The following LRP1B variants were observed in gnomAD, a reference collection of about 807,000 sequenced individuals.
The protein encoded by LRP1B is LDL receptor related protein 1B.
LRP1B carries 217 observed loss-of-function variants against 556.6 expected under a neutral mutation model. That is an observed-to-expected ratio of 0.39 (90% confidence interval 0.35 to 0.44). LRP1B has a LOEUF of 0.44. LRP1B is among the 20% of genes least tolerant of loss of function. The pLI, the probability that LRP1B is intolerant of heterozygous loss-of-function variation, is 1.00. For missense variants in LRP1B, 5,053 were observed against 5,620.8 expected, an observed-to-expected ratio of 0.90 and a Z score of 3.23; for synonymous variants, 2,047 against 1,865.8, an observed-to-expected ratio of 1.10 and a Z score of -2.50.
chr2:142,098,812 A>T (rs1706469936), intron 1 of LRP1B, among the ~76,000 whole-genome samples: 1 of 151,852 alleles, frequency 6.6e-6, no homozygotes, highest in Admixed American at 6.6e-5. Flanking sequence ...GAGAAATCTC[A>T]ATGGACTAAG....
At chr2:141,049,301 G>T in intron 10 of LRP1B, 79 bp from the exon 11 acceptor site, 2 of 881,158 alleles carry the variant, frequency 2.3e-6, no homozygotes, top group Non-Finnish European at 1.8e-6. Flanking sequence ...CCGTTTAACT[G>T]GCACAATTAG....
intron 41 of LRP1B, among the ~76,000 whole-genome samples, chr2:140,699,345 T>C (rs1686547666): frequency 6.6e-6 from 1 of 152,038 alleles, no homozygotes; most frequent in Non-Finnish European, 1.5e-5. Context: ...ATTCCACTTT[T>C]ATAATTAAAA....
At chr2:141,310,206 T>C (rs1441738255) in intron 3 of LRP1B, among the ~76,000 whole-genome samples, 1 of 152,170 alleles carries the variant, frequency 6.6e-6, no homozygotes, top group Non-Finnish European at 1.5e-5. Flanking sequence ...AACCCAAGCA[T>C]TTCACTCTAT....
intron 27 of LRP1B, among the ~76,000 whole-genome samples, chr2:140,864,658 A>C (rs1692895711): frequency 6.6e-6 from 1 of 152,058 alleles, no homozygotes; most frequent in Non-Finnish European, 1.5e-5. Context: ...TATTGTTGCT[A>C]TTATTTTTTA....
In LRP1B at chr2:140,468,512, C is replaced by T. The variant is rs187539932; in HGVS notation, c.9625+6626G>A. Among the ~76,000 whole-genome samples, 142 of 152,146 alleles carry T rather than the reference C, an allele frequency of 9.3e-4. 1 individual carries two copies. Among genetic ancestry groups the T allele is most frequent in the African/African-American group, 3.2e-3 (134 of 41,508 alleles). ...GCAGAGCTGTGGGGGTGGAGTCACC[C>T]GGAAACTTCAGACTGCTAGAGCCAC... On this transcript the variant is annotated intron_variant, in intron 60 of 90. Coordinates refer to ENST00000389484, the MANE Select transcript of LRP1B (RefSeq NM_018557.3).
intron 5 of LRP1B, among the ~76,000 whole-genome samples, chr2:141,238,056 G>A (rs1357022919): frequency 6.6e-6 from 1 of 152,102 alleles, no homozygotes; most frequent in African/African-American, 2.4e-5. Context: ...TGAAAGATAT[G>A]TAATTGATAA....
chr2:141,212,780 G>A (rs1170162197), intron 6 of LRP1B, among the ~76,000 whole-genome samples: 2 of 152,012 alleles, frequency 1.3e-5, no homozygotes, highest in Non-Finnish European at 2.9e-5. Context: ...ATAAAATGGT[G>A]TAGTACAGGA....
At chr2:140,440,887 T>G (rs1031417587) in intron 66 of LRP1B, among the ~76,000 whole-genome samples, 1 of 152,148 alleles carries the variant, frequency 6.6e-6, no homozygotes, top group Non-Finnish European at 1.5e-5. Flanking sequence ...TTATGCTATA[T>G]CCACAGAGGT....
chr2:140,339,444 ATATT>A (rs367900996), intron 77 of LRP1B, among the ~76,000 whole-genome samples: 183 of 151,828 alleles, frequency 1.2e-3, no homozygotes, highest in South Asian at 6.4e-3. Flanking sequence ...GTGATATCAC[ATATT>A]TATTTGTGAT....
chr2:140,676,911 C>A (rs1401055615), intron 41 of LRP1B, among the ~76,000 whole-genome samples: 1 of 152,164 alleles, frequency 6.6e-6, no homozygotes, highest in Non-Finnish European at 1.5e-5. Context: ...CAGCAAACAA[C>A]ATTCTAACTC....
chr2:140,249,700 ATC>A (rs1681321944), intron 86 of LRP1B, among the ~76,000 whole-genome samples: 1 of 151,932 alleles, frequency 6.6e-6, no homozygotes, highest in Admixed American at 6.6e-5. Flanking sequence ...GTCTTAAAAC[ATC>A]TCTTTTGAGT....
intron 3 of LRP1B, among the ~76,000 whole-genome samples, chr2:141,260,257 G>A (rs1354580730): frequency 6.6e-6 from 1 of 152,150 alleles, no homozygotes; most frequent in Admixed American, 6.5e-5. Context: ...CGGAAGCAAT[G>A]TACATCCACA....
chr2:140,865,992 A>C (rs1234133546), intron 27 of LRP1B, among the ~76,000 whole-genome samples: 1 of 152,112 alleles, frequency 6.6e-6, no homozygotes, highest in Non-Finnish European at 1.5e-5. Context: ...TAGACAGTGC[A>C]GTTAGTAAAT....
intron 1 of LRP1B, among the ~76,000 whole-genome samples, chr2:141,844,799 T>C (rs1027746222): frequency 2.0e-5 from 3 of 151,778 alleles, no homozygotes; most frequent in African/African-American, 4.9e-5. Context: ...GTGCTAAATA[T>C]TGACATAATT....
intron 2 of LRP1B, among the ~76,000 whole-genome samples, chr2:141,524,203 G>A (rs1684618186): frequency 6.6e-6 from 1 of 151,904 alleles, no homozygotes; most frequent in East Asian, 1.9e-4. Flanking sequence ...CCTGTGCACA[G>A]TGGGTGCTCA....
chr2:140,334,030 A>C (rs1413704145), intron 79 of LRP1B, among the ~76,000 whole-genome samples: 1 of 151,962 alleles, frequency 6.6e-6, no homozygotes, highest in Non-Finnish European at 1.5e-5. Context: ...CAAAAAAAAA[A>C]ACACCAAACC....
chr2:142,128,842 CTTAG>C (rs1023151164), intron 1 of LRP1B, among the ~76,000 whole-genome samples: 10 of 152,170 alleles, frequency 6.6e-5, no homozygotes, highest in Non-Finnish European at 1.2e-4. Context: ...ATATAATCCT[CTTAG>C]TTATTTAATA....
intron 1 of LRP1B, among the ~76,000 whole-genome samples, chr2:142,113,660 A>G (rs1188885495): frequency 6.6e-6 from 1 of 152,098 alleles, no homozygotes; most frequent in Non-Finnish European, 1.5e-5. Context: ...ACGTGTGTAC[A>G]TTGAAACAGT....
intron 3 of LRP1B, among the ~76,000 whole-genome samples, chr2:141,318,841 G>A (rs1390889887): frequency 6.6e-6 from 1 of 151,938 alleles, no homozygotes; most frequent in Non-Finnish European, 1.5e-5. Flanking sequence ...TACACTTTTA[G>A]ACTTTATCAA....
Sources: allele counts gnomAD v4.1 joint callset (sites outside exome capture counted in the v4.1 genomes callset), GRCh38; gene constraint gnomAD v4.1.1; transcripts MANE v1.5; gene names NCBI Gene and HGNC (gene_info 2026-07-23, HGNC 2026-07-21).